The following TSPAN33 variants were observed in gnomAD, a reference collection of about 807,000 sequenced individuals.
The protein encoded by TSPAN33 is tetraspanin 33.
TSPAN33 carries 27 observed loss-of-function variants against 34.8 expected under a neutral mutation model. That is an observed-to-expected ratio of 0.78 (90% CI 0.57 to 1.07). The LOEUF (loss-of-function observed/expected upper bound fraction) is 1.07, where lower values mean the gene tolerates loss of function less well. TSPAN33 is among the 50% of genes least tolerant of loss of function. TSPAN33 has a pLI of 0.00. For synonymous variants in TSPAN33, 119 were observed against 124.2 expected (o/e 0.96, Z 0.28); for missense variants, 272 against 324.9 (o/e 0.84, Z 1.25).
Position 129,164,494 on chromosome 7 carries a change from G to A in TSPAN33, c.384G>A (p.Glu128=), listed in dbSNP as rs767015962. Residue 128 remains glutamate (E), a synonymous_variant, in exon 5 of 8, where the codon GAG becomes GAA. Transcript: ENST00000486685. The part of the protein sequence containing the change: ...FSDKARGKVS[E]IINNAIVHYR... ...GGCAGGCTCGAGGGAAAGTGAGTGA[G>A]ATCATCAACAATGCCATTGTGCACT... The A allele has an allele frequency of 4.3e-6, 7 of 1,614,128 alleles. No homozygotes were observed. In the Admixed American group the frequency reaches 1.2e-4, roughly 27 times the overall value.
At position 129,147,090 on chromosome 7, in the gene TSPAN33, G is replaced by A. The variant is rs540197644; in HGVS notation, c.102+2008G>A. On this transcript the variant is annotated intron_variant, in intron 1 of 7. Coordinates refer to ENST00000486685, the MANE Select transcript of TSPAN33 (RefSeq NM_178562.5). ...AATGCTTCATTCAAGGTCAGAAGAC[G>A]TGGGTGGCCAAGCTAGCACCACCCC... Among the ~76,000 whole-genome samples the A allele has an allele frequency of 1.4e-3, 212 of 152,114 alleles. 1 individual carries two copies. Among genetic ancestry groups the A allele is most frequent in the Middle Eastern group, 3.4e-3 (1 of 294 alleles).
At chr7:129,161,416 G>A (rs989502183) in intron 1 of TSPAN33, among the ~76,000 whole-genome samples, 6 of 152,148 alleles carry the variant, frequency 3.9e-5, no homozygotes, top group South Asian at 2.1e-4. Context: ...TTCCTCATCC[G>A]TAAAATAGGC....
intron 1 of TSPAN33, among the ~76,000 whole-genome samples, chr7:129,147,645 T>C (rs539601004): frequency 3.9e-5 from 6 of 152,314 alleles, no homozygotes; most frequent in East Asian, 3.9e-4. Flanking sequence ...ATGGATGAGA[T>C]GATGGTCAGC....
rs1793121364 is a variant in TSPAN33 at position 129,165,271 on chromosome 7, C to A, written c.459+702C>A. On this transcript the variant is annotated intron_variant, in intron 5 of 7. Transcript: ENST00000486685. This position sits in a 1 kb window ranked among gnomAD's most constrained non-coding sequence, Gnocchi z 4.5. ...ACTTTGTATCCATTAAACACTAACT[C>A]CCCATTTTCCTCTCCTGAAATTCTG... is the stretch of plus-strand genomic sequence containing the variant. Among the ~76,000 whole-genome samples, 1 of 152,192 alleles carries A rather than the reference C, an allele frequency of 6.6e-6. No homozygotes were observed. Among genetic ancestry groups the A allele is most frequent in the Non-Finnish European group, 1.5e-5 (1 of 68,046 alleles).
intron 4 of TSPAN33, among the ~76,000 whole-genome samples, chr7:129,163,333 C>CTTTT (rs57365994): frequency 0.16 from 19,339 of 124,102 alleles, 1,457 homozygotes; most frequent in Admixed American, 0.21. Flanking sequence ...TTCTTTCTTT[C>CTTTT]TTTTTTTTTT....
chr7:129,168,511 A>G lies in TSPAN33; in HGVS notation c.*637A>G, dbSNP rs991646654. ...GCCCCGCCTTCATTTCCATGGAAAC[A>G]TGGCAGCTAGGACACGGGGTACAAC... On this transcript the variant is annotated 3_prime_UTR_variant, in exon 8 of 8. Transcript: ENST00000486685. The G allele has an allele frequency of 6.5e-6, 1 of 152,766 alleles. No homozygotes were observed. The highest frequency in any genetic ancestry group is 6.5e-5 in the Admixed American group (1 of 15,274). 9.5% of individuals were successfully genotyped at this position (152,766 alleles called of 1,614,324 possible).
intron 1 of TSPAN33, among the ~76,000 whole-genome samples, chr7:129,146,139 G>A (rs550506266): frequency 1.1e-3 from 165 of 152,246 alleles, no homozygotes; most frequent in African/African-American, 3.9e-3. Flanking sequence ...CAGACTTGCA[G>A]GAGGGAAGAA....
intron 4 of TSPAN33, among the ~76,000 whole-genome samples, chr7:129,163,481 G>T (rs1434991089): frequency 1.3e-5 from 2 of 152,104 alleles, no homozygotes; most frequent in South Asian, 2.1e-4. Flanking sequence ...GTGCCACCAT[G>T]ATTGGCTTAA....
intron 1 of TSPAN33, among the ~76,000 whole-genome samples, chr7:129,155,103 C>T (rs748128921): frequency 2.0e-5 from 3 of 152,080 alleles, no homozygotes; most frequent in Admixed American, 6.5e-5. Flanking sequence ...TCCTGTCATT[C>T]GTGACATAGA....
chr7:129,152,329 T>G (rs1810607150), intron 1 of TSPAN33, among the ~76,000 whole-genome samples: 2 of 152,182 alleles, frequency 1.3e-5, no homozygotes, highest in Non-Finnish European at 2.9e-5. Context: ...GCAACACAAA[T>G]GTCTACCAAT....
Position 129,167,898 on chromosome 7 carries a change from C to A in TSPAN33, c.*24C>A. On this transcript the variant is annotated 3_prime_UTR_variant, in exon 8 of 8. Transcript: ENST00000486685. The surrounding 1 kb of genome is among the most constrained non-coding windows in gnomAD (Gnocchi z 4.6). Reference sequence around the variant, plus strand: ...GAGAATCCATCCTGCACCTCCTCACCATGGAAACTGGCAAGCCTCATAAAC... The same window carrying A: ...GAGAATCCATCCTGCACCTCCTCACAATGGAAACTGGCAAGCCTCATAAAC... The A allele has an allele frequency of 6.2e-7, 1 of 1,611,924 alleles. No homozygotes were observed. Among genetic ancestry groups the A allele is most frequent in the Non-Finnish European group, 8.5e-7 (1 of 1,179,230 alleles).
intron 1 of TSPAN33, among the ~76,000 whole-genome samples, chr7:129,157,277 A>G (rs1423536761): frequency 6.6e-6 from 1 of 152,098 alleles, no homozygotes; most frequent in African/African-American, 2.4e-5. Context: ...ACCCATTTCT[A>G]AGGTTCTGTT....
At chr7:129,154,273 G>C (rs527972562) in intron 1 of TSPAN33, among the ~76,000 whole-genome samples, 1 of 152,206 alleles carries the variant, frequency 6.6e-6, no homozygotes, top group Non-Finnish European at 1.5e-5. Flanking sequence ...AATGAGCTAT[G>C]ATTGTACCAC....
intron 1 of TSPAN33, 136 bp from the exon 2 acceptor site, chr7:129,161,543 C>T (rs1394405464): frequency 2.7e-6 from 2 of 748,688 alleles, no homozygotes; most frequent in Non-Finnish European, 4.7e-6. Context: ...TCAGCAGAAT[C>T]ACTGGGGAGG....
rs1354696640 is a variant in TSPAN33 at position 129,148,571 on chromosome 7, T to G, written c.102+3489T>G. Among the ~76,000 whole-genome samples the G allele has an allele frequency of 2.0e-5, 3 of 152,134 alleles. No individual in the cohort carries two copies. The highest frequency in any genetic ancestry group is 4.4e-5 in the Non-Finnish European group (3 of 68,016). Reference sequence around the variant, plus strand: ...GGACACTGGCCTGTCAAGATGCAGCTCAACCTGGGGTCCTTGAGCACTCTT... The same window carrying G: ...GGACACTGGCCTGTCAAGATGCAGCGCAACCTGGGGTCCTTGAGCACTCTT... On this transcript the variant is annotated intron_variant, in intron 1 of 7. Transcript: ENST00000486685. The surrounding 1 kb of genome is among the most constrained non-coding windows in gnomAD (Gnocchi z 4.2).
chr7:129,153,635 A>C (rs567159898), intron 1 of TSPAN33, among the ~76,000 whole-genome samples: 2 of 95,818 alleles, frequency 2.1e-5, no homozygotes, highest in Admixed American at 1.3e-4. Context: ...AGGTCACAGT[A>C]ATAGTGTATT....
chr7:129,159,479 C>T (rs1793018071), intron 1 of TSPAN33, among the ~76,000 whole-genome samples: 1 of 152,146 alleles, frequency 6.6e-6, no homozygotes, highest in African/African-American at 2.4e-5. Flanking sequence ...TAATCAGATA[C>T]CATCTTTGTG....
At chr7:129,153,595 T>C (rs145110457) in intron 1 of TSPAN33, among the ~76,000 whole-genome samples, 1 of 152,088 alleles carries the variant, frequency 6.6e-6, no homozygotes, top group Non-Finnish European at 1.5e-5. Flanking sequence ...TTGGGGATAA[T>C]TGGGGAAAGT....
intron 1 of TSPAN33, among the ~76,000 whole-genome samples, chr7:129,149,925 G>A (rs1302341927): frequency 6.6e-6 from 1 of 152,226 alleles, no homozygotes; most frequent in Non-Finnish European, 1.5e-5. Flanking sequence ...CGGGCAGGGA[G>A]AGAGGTGGCC....
Sources: gnomAD v4.1 joint callset for allele counts (sites outside exome capture counted in the v4.1 genomes callset) on GRCh38, gnomAD v4.1.1 for gene constraint, Gnocchi (gnomAD v3.1) non-coding constraint, MANE v1.5 for transcripts, NCBI Gene and HGNC (gene_info 2026-07-23, HGNC 2026-07-21) for gene names.